Variants in GSE1 observed in about 807,000 individuals in gnomAD.
GSE1 encodes genetic suppressor element 1.
GSE1 carries 32 observed loss-of-function variants against 112.6 expected under a neutral mutation model. The ratio of observed to expected loss-of-function variants is 0.28; its 90% confidence interval spans 0.21 to 0.38. The LOEUF (loss-of-function observed/expected upper bound fraction) is 0.38. GSE1 is among the 10% of genes least tolerant of loss of function. The probability of loss-of-function intolerance (pLI) is 1.00; values close to 1 mark genes in which losing one functional copy is unlikely to be tolerated. For missense variants in GSE1, 2,348 were observed against 1,699.2 expected, an observed-to-expected ratio of 1.38 and a Z score of -6.71; for synonymous variants, 1,115 against 735.6, an observed-to-expected ratio of 1.52 and a Z score of -8.35.
intron 13 of GSE1, among the ~76,000 whole-genome samples, chr16:85,667,574 G>A (rs1205682107): frequency 6.6e-6 from 1 of 152,234 alleles, no homozygotes; most frequent in African/African-American, 2.4e-5. Flanking sequence ...AGAGATGGAG[G>A]CAGCCGGGCG....
At chr16:85,475,937 G>A (rs180869201) in intron 2 of GSE1, among the ~76,000 whole-genome samples, 15 of 151,850 alleles carry the variant, frequency 9.9e-5, no homozygotes, top group South Asian at 4.2e-4. Flanking sequence ...CTTTATTATC[G>A]TTGTTATTAT....
intron 1 of GSE1, among the ~76,000 whole-genome samples, chr16:85,246,591 C>G (rs1038968877): frequency 4.2e-4 from 63 of 150,884 alleles, no homozygotes; most frequent in African/African-American, 1.5e-3. Context: ...CTAATTATCC[C>G]CGGCCCTGGA....
At chr16:85,502,880 G>C (rs1049249805) in intron 2 of GSE1, among the ~76,000 whole-genome samples, 1 of 152,238 alleles carries the variant, frequency 6.6e-6, no homozygotes, top group Non-Finnish European at 1.5e-5. Flanking sequence ...GGGTGAAAAA[G>C]AGCTGCCTGT....
At chr16:85,508,241 C>T (rs1210755787) in intron 2 of GSE1, among the ~76,000 whole-genome samples, 1 of 152,144 alleles carries the variant, frequency 6.6e-6, no homozygotes, top group East Asian at 1.9e-4. Context: ...ACCATGTTGG[C>T]CAGGCTGGTC....
chr16:85,470,341 A>G (rs558041246), intron 2 of GSE1, among the ~76,000 whole-genome samples: 48 of 152,292 alleles, frequency 3.2e-4, no homozygotes, highest in Middle Eastern at 6.8e-3. Context: ...CCGCAGCCAG[A>G]CTAAGCTCAG....
Position 85,355,805 on chromosome 16 carries a change from G to T in GSE1, c.2284-1658G>T, listed in dbSNP as rs577601354. ...GGAGGCAGAAGCAGGCGGATCACTT[G>T]AGGTCAGGAGTTCGAAACCAGTCTG... On this transcript the variant is annotated intron_variant, in intron 1 of 2. Coordinates refer to the GSE1 transcript ENST00000637419. Among the ~76,000 whole-genome samples, 10 of 152,296 alleles carry T rather than the reference G, an allele frequency of 6.6e-5. No individual in the cohort carries two copies. The East Asian group carries it at 1.9e-3, about 29-fold the overall frequency.
chr16:85,250,937 G>T (rs1019909768), intron 1 of GSE1, among the ~76,000 whole-genome samples: 8 of 152,010 alleles, frequency 5.3e-5, no homozygotes, highest in Non-Finnish European at 7.4e-5. Context: ...TCTGTGTCTG[G>T]CATCTTTCAC....
chr16:85,668,041 T>C (rs1598708645), intron 13 of GSE1, 99 bp from the exon 14 acceptor site: 2 of 896,140 alleles, frequency 2.2e-6, no homozygotes, highest in Admixed American at 2.4e-5. Context: ...CCTGCAGTCA[T>C]GTTGACTCTG....
chr16:85,234,911 C>A (rs544856262), intron 1 of GSE1, among the ~76,000 whole-genome samples: 79 of 152,272 alleles, frequency 5.2e-4, no homozygotes, highest in African/African-American at 1.8e-3. Context: ...CTGCCGGCGC[C>A]TTTATCTACT....
chr16:85,255,361 C>T (rs1488489208), intron 1 of GSE1, among the ~76,000 whole-genome samples: 1 of 152,176 alleles, frequency 6.6e-6, no homozygotes, highest in African/African-American at 2.4e-5. Context: ...GATGATACCC[C>T]TCCCAGCCTC....
intron 2 of GSE1, among the ~76,000 whole-genome samples, chr16:85,358,150 C>A (rs958290229): frequency 6.6e-6 from 1 of 152,136 alleles, no homozygotes; most frequent in South Asian, 2.1e-4. Flanking sequence ...GTGGACCACA[C>A]CCCCACTCCA....
chr16:85,309,610 C>T (rs576382705), intron 1 of GSE1, among the ~76,000 whole-genome samples: 7 of 152,368 alleles, frequency 4.6e-5, no homozygotes, highest in African/African-American at 1.7e-4. Flanking sequence ...GTGGCCCACC[C>T]CCCGGATCTG....
intron 2 of GSE1, among the ~76,000 whole-genome samples, chr16:85,636,111 G>C (rs2049975273): frequency 6.6e-6 from 1 of 152,242 alleles, no homozygotes; most frequent in Non-Finnish European, 1.5e-5. Context: ...ATGGCCTCGT[G>C]GCCCTGCTCC....
chr16:85,263,864 C>A (rs879335964), intron 1 of GSE1, among the ~76,000 whole-genome samples: 1 of 152,164 alleles, frequency 6.6e-6, no homozygotes, highest in Non-Finnish European at 1.5e-5. Context: ...TAAGCTGCCA[C>A]GCCTGGCCAC....
At chr16:85,590,920 G>T (rs1046108227) in intron 1 of GSE1, among the ~76,000 whole-genome samples, 2 of 151,770 alleles carry the variant, frequency 1.3e-5, no homozygotes, top group Non-Finnish European at 2.9e-5. Flanking sequence ...GGCCGCACTC[G>T]GTGCTGACAT....
rs114280915 is a variant in GSE1, at chr16:85,307,070, G to A, written c.2284-50393G>A. Among the ~76,000 whole-genome samples the A allele has an allele frequency of 3.1e-3, 450 of 147,214 alleles. 1 individual carries two copies. Among genetic ancestry groups the A allele is most frequent in the African/African-American group, 0.011 (432 of 40,804 alleles). ...TCCACGAGGCTGGGCCAGCAGCTGA[G>A]TTTGGGCAGAGGTTGTTCTGTGCTC... On this transcript the variant is annotated intron_variant, in intron 1 of 2. Transcript: ENST00000637419.
At chr16:85,547,345 C>T (rs1478675165) in intron 2 of GSE1, among the ~76,000 whole-genome samples, 1 of 152,198 alleles carries the variant, frequency 6.6e-6, no homozygotes, top group East Asian at 1.9e-4. Context: ...TCAGCGGGGC[C>T]ATGCTCCCTC....
At chr16:85,309,750 C>T (rs1034558718) in intron 1 of GSE1, among the ~76,000 whole-genome samples, 5 of 152,202 alleles carry the variant, frequency 3.3e-5, no homozygotes, top group African/African-American at 9.6e-5. Context: ...GCTGCAGAGC[C>T]GAGCGGCAGG....
intron 1 of GSE1, among the ~76,000 whole-genome samples, chr16:85,258,246 C>T (rs974836852): frequency 2.6e-5 from 4 of 152,178 alleles, no homozygotes; most frequent in African/African-American, 9.7e-5. Flanking sequence ...GCCCACTGGC[C>T]CATCGCACCG....
Sources: gnomAD v4.1 joint callset for allele counts (sites outside exome capture counted in the v4.1 genomes callset) on GRCh38, gnomAD v4.1.1 for gene constraint, MANE v1.5 for transcripts, NCBI Gene and HGNC (gene_info 2026-07-23, HGNC 2026-07-21) for gene names.